RNF38: variants seen among roughly 807,000 people sequenced by gnomAD.
The protein encoded by RNF38 is ring finger protein 38.
Under a neutral mutation model 67.2 loss-of-function variants are expected in RNF38, and 15 were observed. That is an observed-to-expected ratio of 0.22 (90% CI 0.15 to 0.34). The LOEUF (loss-of-function observed/expected upper bound fraction) is 0.34. Among genes scored for constraint, RNF38 ranks in the 10% least tolerant of loss-of-function variants. RNF38 has a pLI of 1.00. For missense variants in RNF38, 524 were observed against 639.9 expected, an observed-to-expected ratio of 0.82 and a Z score of 1.95; for synonymous variants, 220 against 218.8, an observed-to-expected ratio of 1.01 and a Z score of -0.05.
chr9:36,354,386 A>G (rs1481651846), intron 6 of RNF38, among the ~76,000 whole-genome samples: 1 of 152,172 alleles, frequency 6.6e-6, no homozygotes, highest in Non-Finnish European at 1.5e-5. Flanking sequence ...AGACTTTAGT[A>G]GAGACAGGGT....
intron 2 of RNF38, among the ~76,000 whole-genome samples, chr9:36,424,429 T>C (rs778209281): frequency 6.6e-5 from 10 of 152,138 alleles, no homozygotes; most frequent in South Asian, 4.1e-4. Context: ...GTTGAGGAAT[T>C]TGCCCTAGGT....
At chr9:36,353,019 TACA>T (rs1347989711) in intron 7 of RNF38, 148 bp downstream of exon 7, 6 of 793,350 alleles carry the variant, frequency 7.6e-6, no homozygotes, top group Non-Finnish European at 1.2e-5. Flanking sequence ...TTTTAAACCA[TACA>T]CTCAGGTGTA....
At chr9:36,479,430 G>A (rs1840197631) in intron 1 of RNF38, among the ~76,000 whole-genome samples, 2 of 152,300 alleles carry the variant, frequency 1.3e-5, no homozygotes, top group Non-Finnish European at 2.9e-5. Flanking sequence ...GACCAGCCAG[G>A]GTTCTGTTGA....
chr9:36,458,684 C>G (rs868592464), intron 1 of RNF38, among the ~76,000 whole-genome samples: 3 of 152,178 alleles, frequency 2.0e-5, no homozygotes, highest in South Asian at 4.1e-4. Context: ...TCTGGAGGAA[C>G]AAACTCTGGA....
chr9:36,339,472 G>T lies in RNF38; in HGVS notation c.*280C>A. The T allele has an allele frequency of 2.5e-6, 1 of 400,088 alleles. No homozygotes were observed. Among genetic ancestry groups the T allele is most frequent in the Non-Finnish European group, 4.6e-6 (1 of 218,292 alleles). The allele number at this position is 400,088 out of a possible 1,614,324, so 24.8% of individuals were successfully genotyped here. A position where few individuals can be genotyped will look rare whatever the true frequency, so the allele number is the denominator to read the frequency against. ...CCACTGTAATCTTGCAGCAACACTC[G>T]GAATGATCACACAAAAACCAGGGAA... On this transcript the variant is annotated 3_prime_UTR_variant, in exon 12 of 12. Coordinates refer to ENST00000259605, the MANE Select transcript of RNF38 (RefSeq NM_022781.5).
chr9:36,412,314 C>G (rs1838345954), intron 2 of RNF38, among the ~76,000 whole-genome samples: 1 of 152,188 alleles, frequency 6.6e-6, no homozygotes, highest in Non-Finnish European at 1.5e-5. Flanking sequence ...AATGTTCTTT[C>G]CATGACCCTG....
chr9:36,394,282 AG>A (rs1285730797), intron 1 of RNF38, among the ~76,000 whole-genome samples: 5 of 152,086 alleles, frequency 3.3e-5, no homozygotes, highest in Non-Finnish European at 7.4e-5. Context: ...AAAAAAAAAA[AG>A]AAAAGAAAGA....
upstream of RNF38, among the ~76,000 whole-genome samples, chr9:36,402,902 G>C (rs1461962911): frequency 6.6e-6 from 1 of 151,958 alleles, no homozygotes; most frequent in Non-Finnish European, 1.5e-5. Context: ...GCCCAGGCTG[G>C]AGTGCAATGG....
intron 9 of RNF38, among the ~76,000 whole-genome samples, chr9:36,347,666 T>C (rs900758036): frequency 6.6e-6 from 1 of 152,240 alleles, no homozygotes; most frequent in Non-Finnish European, 1.5e-5. Flanking sequence ...CTCCGTCTCC[T>C]GCGGTATTCC....
chr9:36,465,658 T>C lies in RNF38; in HGVS notation n.241+21650A>G, dbSNP rs568722377. On this transcript the variant is annotated intron_variant and non_coding_transcript_variant, in intron 1 of 3. Transcript: ENST00000488058. Reference sequence around the variant, plus strand: ...CTATACCCGGCCCATAGCAGCATTATTCATAATCATCCAAAATAGGATGCA... The same window carrying C: ...CTATACCCGGCCCATAGCAGCATTACTCATAATCATCCAAAATAGGATGCA... Among the ~76,000 whole-genome samples the C allele has an allele frequency of 8.1e-4, 123 of 152,298 alleles. No homozygotes were observed. In the South Asian group the frequency reaches 8.3e-3, roughly 10 times the overall value.
At chr9:36,365,827 A>G (rs902432736) in intron 4 of RNF38, among the ~76,000 whole-genome samples, 2 of 151,480 alleles carry the variant, frequency 1.3e-5, no homozygotes, top group African/African-American at 4.9e-5. Context: ...CACCATGCCC[A>G]GCTAATTTTT....
chr9:36,340,745 G>A (rs141158863), intron 11 of RNF38, among the ~76,000 whole-genome samples: 11 of 152,288 alleles, frequency 7.2e-5, no homozygotes, highest in African/African-American at 2.4e-4. Flanking sequence ...TTGTAAAATA[G>A]GTGACTGACT....
intron 9 of RNF38, among the ~76,000 whole-genome samples, chr9:36,346,806 C>T (rs778953255): frequency 2.0e-4 from 30 of 152,160 alleles, no homozygotes; most frequent in Non-Finnish European, 4.3e-4. Flanking sequence ...CCCAGCCCTT[C>T]TAAATGCTGG....
chr9:36,370,005 A>G (rs1835257357), intron 3 of RNF38, 73 bp from the exon 4 acceptor site: 9 of 1,193,924 alleles, frequency 7.5e-6, no homozygotes. Flanking sequence ...TCTTTCTTTG[A>G]TATCTATCAA....
intron 2 of RNF38, among the ~76,000 whole-genome samples, chr9:36,414,400 C>T (rs1381679153): frequency 1.3e-5 from 2 of 151,926 alleles, no homozygotes; most frequent in Non-Finnish European, 2.9e-5. Flanking sequence ...TGTTTTGTTT[C>T]AAGATTTAGA....
At chr9:36,401,198 G>GGGGGCGGGGC (rs760862263), upstream of RNF38, 17,836 of 970,874 alleles carry the variant, frequency 0.018, 223 homozygotes, top group South Asian at 0.045. Context: ...CGAGGGGGAA[G>GGGGGCGGGGC]GGGGCGGGGC....
chr9:36,480,548 C>CTTTTTT (rs3072687), intron 1 of RNF38, among the ~76,000 whole-genome samples: 551 of 100,732 alleles, frequency 5.5e-3, no homozygotes, highest in Middle Eastern at 0.015. Flanking sequence ...TTTTCTTTTT[C>CTTTTTT]TTTTTTTTTT....
chr9:36,391,945 G>A (rs532611864), intron 1 of RNF38, among the ~76,000 whole-genome samples: 13 of 152,266 alleles, frequency 8.5e-5, no homozygotes, highest in African/African-American at 3.1e-4. Context: ...TATGCTATAA[G>A]AAAGAAACAA....
intron 2 of RNF38, among the ~76,000 whole-genome samples, chr9:36,385,216 C>T (rs1015103999): frequency 6.6e-6 from 1 of 152,006 alleles, no homozygotes; most frequent in Non-Finnish European, 1.5e-5. Context: ...ATTTCTTGAT[C>T]AGATTTTGTT....
Sources: allele counts gnomAD v4.1 joint callset (sites outside exome capture counted in the v4.1 genomes callset), GRCh38; gene constraint gnomAD v4.1.1; transcripts MANE v1.5; gene names NCBI Gene and HGNC (gene_info 2026-07-23, HGNC 2026-07-21).